The following TLE4 variants were observed in gnomAD, a reference collection of about 807,000 sequenced individuals.
TLE4 encodes transducin-like enhancer protein 4.
A neutral mutation model predicts 92.8 loss-of-function variants in TLE4; 8 were observed. That is an observed-to-expected ratio of 0.09 (90% confidence interval 0.05 to 0.16). The LOEUF (loss-of-function observed/expected upper bound fraction) is 0.16, where lower values mean the gene tolerates loss of function less well. TLE4 is among the 10% of genes least tolerant of loss of function. The pLI, the probability that TLE4 is intolerant of heterozygous loss-of-function variation, is 1.00. For missense variants in TLE4, 675 were observed against 997.6 expected, an observed-to-expected ratio of 0.68 and a Z score of 4.36; for synonymous variants, 371 against 374.1, an observed-to-expected ratio of 0.99 and a Z score of 0.10.
chr9:79,681,129 A>G (rs924239297), intron 8 of TLE4, among the ~76,000 whole-genome samples: 3 of 152,134 alleles, frequency 2.0e-5, no homozygotes, highest in African/African-American at 2.4e-5. Flanking sequence ...GACCTCAGAC[A>G]AGTCCCTTCA....
chr9:79,623,923 A>T lies in TLE4; in HGVS notation c.316-3451A>T, dbSNP rs563495526. Among the ~76,000 whole-genome samples, 11 of 152,196 alleles carry T rather than the reference A, an allele frequency of 7.2e-5. No homozygotes were observed. The South Asian group carries it at 2.1e-3, about 29-fold the overall frequency. The stretch of plus-strand genomic sequence containing the variant: ...GTGAGCAGCTGGAGCAGTAAGAATG[A>T]CAACACTTGGTCTCTGCAGATTGGC... On this transcript the variant is annotated intron_variant, in intron 5 of 19. Transcript: ENST00000376552.
At chr9:79,707,823 G>A (rs1187812048) in intron 11 of TLE4, among the ~76,000 whole-genome samples, 1 of 152,150 alleles carries the variant, frequency 6.6e-6, no homozygotes, top group African/African-American at 2.4e-5. Context: ...CCAGCAAGTG[G>A]CCACAGTTAG....
At chr9:79,662,284 T>C (rs2060640117) in intron 8 of TLE4, among the ~76,000 whole-genome samples, 1 of 152,214 alleles carries the variant, frequency 6.6e-6, no homozygotes, top group South Asian at 2.1e-4. Context: ...ATTGCTACTT[T>C]TCAAGTTGCT....
intron 8 of TLE4, among the ~76,000 whole-genome samples, chr9:79,692,375 C>A (rs533503977): frequency 1.3e-5 from 2 of 152,254 alleles, no homozygotes; most frequent in Admixed American, 1.3e-4. Flanking sequence ...AAAAAGTGTC[C>A]ATTACCCTCT....
At chr9:79,655,292 A>G (rs556795879) in intron 8 of TLE4, among the ~76,000 whole-genome samples, 3 of 152,342 alleles carry the variant, frequency 2.0e-5, no homozygotes, top group Non-Finnish European at 4.4e-5. Context: ...CTATTTCTTT[A>G]TATCTTACAA....
chr9:79,706,982 C>T (rs537511821), intron 11 of TLE4, 83 bp downstream of exon 11: 2 of 1,570,870 alleles, frequency 1.3e-6, no homozygotes, highest in South Asian at 2.4e-5. Context: ...TTATATTTCT[C>T]ACATTTTTAA....
At position 79,720,770 on chromosome 9, in the gene TLE4, G is replaced by C. The variant is rs191269746; in HGVS notation, c.1838+477G>C. On this transcript the variant is annotated intron_variant, in intron 16 of 19. Transcript: ENST00000376552. ...TCTTGAGTGCCATACACATCTAACA[G>C]GTTCATTCCTTCAGCAGATATTTAG... Among the ~76,000 whole-genome samples the C allele has an allele frequency of 4.8e-4, 73 of 152,156 alleles. No individual in the cohort carries two copies. The East Asian group carries it at 8.9e-3, about 19-fold the overall frequency.
intron 4 of TLE4, among the ~76,000 whole-genome samples, chr9:79,606,291 A>G (rs1184244580): frequency 1.6e-5 from 2 of 121,570 alleles, no homozygotes; most frequent in African/African-American, 3.2e-5. Flanking sequence ...TATACTGACG[A>G]TACCTTTGGT....
chr9:79,651,061 CT>C (rs2058889884), intron 6 of TLE4, among the ~76,000 whole-genome samples: 2 of 148,054 alleles, frequency 1.4e-5, no homozygotes, highest in Non-Finnish European at 3.0e-5. Flanking sequence ...CTCTCTCTCT[CT>C]CTCTCTGTCC....
chr9:79,659,816 A>C (rs113645723), intron 8 of TLE4, among the ~76,000 whole-genome samples: 50 of 152,318 alleles, frequency 3.3e-4, no homozygotes, highest in African/African-American at 1.2e-3. Context: ...ATCATATTTT[A>C]AAATATGTTT....
At chr9:79,676,534 G>A (rs2063287168) in intron 8 of TLE4, among the ~76,000 whole-genome samples, 1 of 152,126 alleles carries the variant, frequency 6.6e-6, no homozygotes, top group Non-Finnish European at 1.5e-5. Flanking sequence ...CAGGGAAAAA[G>A]GGAATGGAAT....
chr9:79,616,340 A>C (rs2049595621), intron 5 of TLE4, among the ~76,000 whole-genome samples: 1 of 152,150 alleles, frequency 6.6e-6, no homozygotes, highest in African/African-American at 2.4e-5. Context: ...AGTTAATCAT[A>C]GCGTGAAACA....
At chr9:79,671,384 G>T (rs757740733) in intron 8 of TLE4, 25 of 394,188 alleles carry the variant, frequency 6.3e-5, no homozygotes, top group Admixed American at 5.1e-4. Context: ...CGAGTGGCCC[G>T]AGGACTGTGA....
chr9:79,596,587 C>T (rs543215803), intron 4 of TLE4, among the ~76,000 whole-genome samples: 1 of 152,188 alleles, frequency 6.6e-6, no homozygotes, highest in Admixed American at 6.5e-5. Context: ...TGCAGCCCTT[C>T]CCCTGTGTAG....
rs754957922 is a variant in TLE4, at chr9:79,706,728, C to G, written c.784-19C>G. On this transcript the variant is annotated intron_variant, in intron 10 of 19. Transcript: ENST00000376552. ...AAATGTGCTGTGCTTGCATTACTGT[C>G]CACGATGTTCCTTTGTAGGATCCAT... 1.2e-6 allele frequency: 2 copies of G among 1,609,506 alleles called. No homozygotes were observed. Among genetic ancestry groups the G allele is most frequent in the Admixed American group, 1.7e-5 (1 of 59,296 alleles).
At chr9:79,707,142 T>G (rs534627659) in intron 11 of TLE4, 1 of 1,613,060 alleles carries the variant, frequency 6.2e-7, no homozygotes, top group Non-Finnish European at 8.5e-7. Flanking sequence ...ATGGGGAAAT[T>G]GAGTGAAACA....
At chr9:79,618,413 A>G (rs368696483) in intron 5 of TLE4, among the ~76,000 whole-genome samples, 5 of 152,324 alleles carry the variant, frequency 3.3e-5, no homozygotes, top group African/African-American at 1.2e-4. Flanking sequence ...TATCATTCAT[A>G]CATTCATAGG....
At chr9:79,592,229 T>TCTACTTC (rs1554694708) in intron 4 of TLE4, among the ~76,000 whole-genome samples, 3 of 133,094 alleles carry the variant, frequency 2.3e-5, no homozygotes, top group African/African-American at 9.4e-5. Context: ...TTCTTCTTCT[T>TCTACTTC]CTTCTTCCTT....
chr9:79,705,832 G>A, intron 9 of TLE4, 57 bp from the exon 10 acceptor site: 1 of 1,554,290 alleles, frequency 6.4e-7, no homozygotes, highest in South Asian at 1.1e-5. Flanking sequence ...CTTACTTAGG[G>A]TAAATGTGGT....
Sources: gnomAD v4.1 joint callset for allele counts (sites outside exome capture counted in the v4.1 genomes callset) on GRCh38, gnomAD v4.1.1 for gene constraint, MANE v1.5 for transcripts, NCBI Gene and HGNC (gene_info 2026-07-23, HGNC 2026-07-21) for gene names.